Variants in GPATCH2 observed in about 807,000 individuals in gnomAD.
GPATCH2 encodes G patch domain-containing protein 2.
In GPATCH2, 51 loss-of-function variants were observed where a neutral mutation model predicts 58.0. That is an observed-to-expected ratio of 0.88 (90% CI 0.70 to 1.11). The LOEUF (loss-of-function observed/expected upper bound fraction) is 1.11, where lower values mean the gene tolerates loss of function less well. Among genes scored for constraint, GPATCH2 ranks in the 50% most tolerant of loss-of-function variants. The pLI is 0.00. For missense variants in GPATCH2, 625 were observed against 652.2 expected, an observed-to-expected ratio of 0.96 and a Z score of 0.45; for synonymous variants, 222 against 218.5, an observed-to-expected ratio of 1.02 and a Z score of -0.14.
intron 5 of GPATCH2, among the ~76,000 whole-genome samples, chr1:217,561,366 C>T (rs145031980): frequency 1.1e-4 from 17 of 152,196 alleles, no homozygotes; most frequent in African/African-American, 3.4e-4. Context: ...TAAAAACATA[C>T]GCACAGCAGT....
At chr1:217,567,648 A>G (rs1310606885) in intron 5 of GPATCH2, among the ~76,000 whole-genome samples, 1 of 152,238 alleles carries the variant, frequency 6.6e-6, no homozygotes, top group Non-Finnish European at 1.5e-5. Context: ...AGAGTTATCT[A>G]GACACCGTTC....
At chr1:217,517,495 C>A (rs1052411087) in intron 5 of GPATCH2, among the ~76,000 whole-genome samples, 2 of 152,120 alleles carry the variant, frequency 1.3e-5, no homozygotes, top group Admixed American at 1.3e-4. Context: ...CAGTGTTATA[C>A]TGAAGTTTCA....
chr1:217,488,394 A>G (rs367955347), intron 8 of GPATCH2, among the ~76,000 whole-genome samples: 5 of 152,158 alleles, frequency 3.3e-5, no homozygotes, highest in Non-Finnish European at 4.4e-5. Context: ...TCTTTGCTTT[A>G]TACATTTTGA....
intron 6 of GPATCH2, among the ~76,000 whole-genome samples, chr1:217,505,523 A>T (rs534820605): frequency 6.6e-6 from 1 of 152,286 alleles, no homozygotes; most frequent in South Asian, 2.1e-4. Flanking sequence ...GGTAGCAGAA[A>T]TGTATAGGAT....
chr1:217,489,107 T>G (rs1217936802), intron 8 of GPATCH2, among the ~76,000 whole-genome samples: 2 of 151,764 alleles, frequency 1.3e-5, no homozygotes, highest in African/African-American at 4.8e-5. Context: ...TCACTTTTTT[T>G]TTTTTTTGGT....
At chr1:217,535,257 T>C (rs137920729) in intron 5 of GPATCH2, among the ~76,000 whole-genome samples, 366 of 152,370 alleles carry the variant, frequency 2.4e-3, no homozygotes, top group African/African-American at 8.5e-3. Flanking sequence ...TCCTCTGTAT[T>C]AGACTGTTAC....
chr1:217,515,118 CAG>C (rs1326067178), intron 5 of GPATCH2, among the ~76,000 whole-genome samples: 7 of 146,024 alleles, frequency 4.8e-5, no homozygotes, highest in African/African-American at 1.8e-4. Context: ...TTTTTTTTGA[CAG>C]AGTCTCTTTC....
chr1:217,581,768 T>G (rs569327991), intron 5 of GPATCH2, among the ~76,000 whole-genome samples: 2 of 152,168 alleles, frequency 1.3e-5, no homozygotes, highest in South Asian at 4.1e-4. Context: ...CTGGCCAACA[T>G]GGTGAAACCC....
At chr1:217,625,175 T>C (rs953110650) in intron 1 of GPATCH2, among the ~76,000 whole-genome samples, 1 of 152,228 alleles carries the variant, frequency 6.6e-6, no homozygotes, top group Admixed American at 6.5e-5. Context: ...GAGTGAACTA[T>C]TATCCTTGGG....
At chr1:217,513,460 G>T (rs1033256123) in intron 6 of GPATCH2, among the ~76,000 whole-genome samples, 1 of 152,060 alleles carries the variant, frequency 6.6e-6, no homozygotes, top group African/African-American at 2.4e-5. Context: ...GAAACTAATG[G>T]ATCCTAATAT....
intron 8 of GPATCH2, among the ~76,000 whole-genome samples, chr1:217,473,401 G>A (rs1404638638): frequency 6.6e-6 from 1 of 151,232 alleles, no homozygotes; most frequent in Non-Finnish European, 1.5e-5. Context: ...AAAATGACAG[G>A]TAATAGGTAG....
intron 2 of GPATCH2, among the ~76,000 whole-genome samples, chr1:217,618,944 C>CA (rs1669038105): frequency 6.7e-6 from 1 of 149,078 alleles, no homozygotes; most frequent in South Asian, 2.1e-4. Flanking sequence ...GCCTGGGAAA[C>CA]AGAGTGAGTC....
At chr1:217,525,478 C>CTATT (rs1316397961) in intron 5 of GPATCH2, among the ~76,000 whole-genome samples, 2 of 152,214 alleles carry the variant, frequency 1.3e-5, no homozygotes, top group Non-Finnish European at 2.9e-5. Context: ...AATAAACATT[C>CTATT]TATTTTATGT....
At chr1:217,437,636 G>A (rs1355701744) in intron 9 of GPATCH2, among the ~76,000 whole-genome samples, 1 of 152,222 alleles carries the variant, frequency 6.6e-6, no homozygotes, top group Non-Finnish European at 1.5e-5. Context: ...ACTGGGTGGA[G>A]CCCACCACAG....
At chr1:217,468,493 A>C (rs1446454527) in intron 8 of GPATCH2, among the ~76,000 whole-genome samples, 2 of 149,724 alleles carry the variant, frequency 1.3e-5, no homozygotes, top group Non-Finnish European at 3.0e-5. Flanking sequence ...CAACCAAAAA[A>C]TGTCAAGGAA....
At chr1:217,617,810 AC>A (rs1284530972) in intron 2 of GPATCH2, among the ~76,000 whole-genome samples, 1 of 152,214 alleles carries the variant, frequency 6.6e-6, no homozygotes, top group Non-Finnish European at 1.5e-5. Context: ...GAAAACGTGT[AC>A]CTGGGCTGTT....
intron 5 of GPATCH2, among the ~76,000 whole-genome samples, chr1:217,578,266 T>C (rs373640632): frequency 5.3e-5 from 8 of 152,168 alleles, no homozygotes; most frequent in East Asian, 3.9e-4. Flanking sequence ...TCTTGCTCTA[T>C]TGCCCAGATT....
intron 5 of GPATCH2, among the ~76,000 whole-genome samples, chr1:217,550,924 T>G (rs566918508): frequency 2.6e-5 from 4 of 151,740 alleles, no homozygotes; most frequent in Non-Finnish European, 5.9e-5. Context: ...AGTAATTACA[T>G]GATTAGTAAG....
Position 217,430,236 on chromosome 1 carries a change from T to C in GPATCH2, c.*909A>G, listed in dbSNP as rs574559083. ...CTGAGTTCTGGGAGAGCCATTTAAC[T>C]TTTCATGTAAATTGATTCAATATTG... On this transcript the variant is annotated 3_prime_UTR_variant, in exon 10 of 10. Transcript: ENST00000366935. The C allele has an allele frequency of 6.6e-6, 1 of 152,318 alleles. No homozygotes were observed. Among genetic ancestry groups the C allele is most frequent in the African/African-American group, 2.4e-5 (1 of 41,578 alleles). 9.4% of individuals were successfully genotyped at this position (152,318 alleles called of 1,614,324 possible). A position where few individuals can be genotyped will look rare whatever the true frequency, so the allele number is the denominator to read the frequency against.
Sources: allele counts gnomAD v4.1 joint callset (sites outside exome capture counted in the v4.1 genomes callset), GRCh38; gene constraint gnomAD v4.1.1; transcripts MANE v1.5; gene names NCBI Gene and HGNC (gene_info 2026-07-23, HGNC 2026-07-21).